The following ABTB3 variants were observed in gnomAD, a reference collection of about 807,000 sequenced individuals.
The protein encoded by ABTB3 is ankyrin repeat and BTB domain containing 3, also known as ankyrin repeat- and BTB/POZ domain-containing protein 3.
the ABTB3 span, among the ~76,000 whole-genome samples, chr12:107,337,002 T>C: frequency 6.6e-6 from 1 of 152,224 alleles, no homozygotes; most frequent in African/African-American, 2.4e-5. Flanking sequence ...ACGCTCCTTT[T>C]CAAAGCTTGC....
the ABTB3 span, among the ~76,000 whole-genome samples, chr12:107,365,970 C>G: frequency 6.6e-6 from 1 of 152,266 alleles, no homozygotes; most frequent in East Asian, 1.9e-4. Flanking sequence ...CCCCTGGGAG[C>G]TGATGAAGCC....
chr12:107,512,106 G>A, the ABTB3 span, among the ~76,000 whole-genome samples: 6 of 152,068 alleles, frequency 3.9e-5, no homozygotes, highest in Admixed American at 2.0e-4. Flanking sequence ...ACATAGTTCT[G>A]TTTACCCACC....
the ABTB3 span, among the ~76,000 whole-genome samples, chr12:107,479,360 C>T: frequency 6.6e-6 from 1 of 151,858 alleles, no homozygotes; most frequent in Non-Finnish European, 1.5e-5. Flanking sequence ...TGAAGAGGTG[C>T]CCAGGGATTG....
At chr12:107,471,747 C>T in the ABTB3 span, among the ~76,000 whole-genome samples, 1 of 152,128 alleles carries the variant, frequency 6.6e-6, no homozygotes, top group East Asian at 1.9e-4. Context: ...AGGAAGAACA[C>T]CCCTCACAGA....
the ABTB3 span, among the ~76,000 whole-genome samples, chr12:107,548,169 T>G: frequency 7.1e-5 from 9 of 126,564 alleles, no homozygotes; most frequent in South Asian, 2.2e-3. Context: ...TTTGGAGTTA[T>G]TTCTTTCTCT....
the ABTB3 span, among the ~76,000 whole-genome samples, chr12:107,513,560 C>T: frequency 6.6e-6 from 1 of 152,300 alleles, no homozygotes; most frequent in East Asian, 1.9e-4. Flanking sequence ...CTGAGGCCTC[C>T]CCAGCAATGC....
the ABTB3 span, among the ~76,000 whole-genome samples, chr12:107,328,398 T>C: frequency 6.6e-6 from 1 of 152,252 alleles, no homozygotes. Flanking sequence ...TCTTTATCTT[T>C]ATTATTATCG....
chr12:107,645,754 G>A, the ABTB3 span, among the ~76,000 whole-genome samples: 1 of 152,236 alleles, frequency 6.6e-6, no homozygotes, highest in African/African-American at 2.4e-5. Context: ...CTCACTGAAC[G>A]AGACCTCCAT....
the ABTB3 span, among the ~76,000 whole-genome samples, chr12:107,441,298 A>G: frequency 7.2e-5 from 11 of 152,330 alleles, no homozygotes; most frequent in South Asian, 2.3e-3. Context: ...GAATGAGATC[A>G]TGTGCTTTGC....
the ABTB3 span, among the ~76,000 whole-genome samples, chr12:107,360,852 C>T: frequency 6.6e-6 from 1 of 151,664 alleles, no homozygotes; most frequent in African/African-American, 2.4e-5. Context: ...CTCCCAGGTT[C>T]AAGCAATCCT....
chr12:107,564,913 C>T, the ABTB3 span, among the ~76,000 whole-genome samples: 1 of 152,264 alleles, frequency 6.6e-6, no homozygotes, highest in Admixed American at 6.5e-5. Flanking sequence ...AAGCCCCATG[C>T]AGGAGCCATC....
the ABTB3 span, among the ~76,000 whole-genome samples, chr12:107,645,556 C>T: frequency 2.0e-5 from 3 of 152,206 alleles, no homozygotes; most frequent in Non-Finnish European, 2.9e-5. Flanking sequence ...CCGCTAAACT[C>T]ACCCAGCCCT....
chr12:107,601,889 A>G, the ABTB3 span, among the ~76,000 whole-genome samples: 3 of 152,250 alleles, frequency 2.0e-5, no homozygotes, highest in African/African-American at 7.2e-5. Flanking sequence ...CATTTTACAT[A>G]TGAGAAAGCA....
the ABTB3 span, among the ~76,000 whole-genome samples, chr12:107,467,198 G>C: frequency 6.6e-6 from 1 of 152,144 alleles, no homozygotes; most frequent in Non-Finnish European, 1.5e-5. Context: ...TCTCAAGTTT[G>C]CTGTCTGAAG....
the ABTB3 span, among the ~76,000 whole-genome samples, chr12:107,456,521 G>T: frequency 6.6e-6 from 1 of 152,212 alleles, no homozygotes; most frequent in Middle Eastern, 3.4e-3. Context: ...CCCCCAGATG[G>T]TACCATCAAG....
At chr12:107,421,978 C>T in the ABTB3 span, among the ~76,000 whole-genome samples, 2 of 152,142 alleles carry the variant, frequency 1.3e-5, no homozygotes, top group African/African-American at 4.8e-5. Context: ...CCTGAGGGAA[C>T]TTATACTCTA....
At chr12:107,423,824 G>A in the ABTB3 span, among the ~76,000 whole-genome samples, 2 of 152,184 alleles carry the variant, frequency 1.3e-5, no homozygotes, top group Non-Finnish European at 1.5e-5. Context: ...CTGAGAAGAC[G>A]CTGGTTTTGC....
At chr12:107,476,365 G>A in the ABTB3 span, among the ~76,000 whole-genome samples, 1,205 of 152,194 alleles carry the variant, frequency 7.9e-3, 30 homozygotes, top group African/African-American at 0.027. Flanking sequence ...TGAGCATCTC[G>A]GAGGCATTTA....
the ABTB3 span, among the ~76,000 whole-genome samples, chr12:107,401,156 G>C: frequency 6.6e-6 from 1 of 152,152 alleles, no homozygotes; most frequent in Non-Finnish European, 1.5e-5. Flanking sequence ...TTCCCAATGG[G>C]TTCCTTTTCA....
Sources: allele counts gnomAD v4.1 joint callset (sites outside exome capture counted in the v4.1 genomes callset), GRCh38; gene constraint gnomAD v4.1.1; transcripts MANE v1.5; gene names NCBI Gene and HGNC (gene_info 2026-07-23, HGNC 2026-07-21).